CADPS2: variants seen among roughly 807,000 people sequenced by gnomAD.
CADPS2 encodes the protein calcium-dependent secretion activator 2.
A neutral mutation model predicts 172.5 loss-of-function variants in CADPS2; 93 were observed. That is an observed-to-expected ratio of 0.54 (90% CI 0.46 to 0.64). The LOEUF (loss-of-function observed/expected upper bound fraction) is 0.64, where lower values mean the gene tolerates loss of function less well. Ranked by LOEUF, CADPS2 falls within the 30% of genes least tolerant of loss-of-function variation. CADPS2 has a pLI of 0.00. For missense variants in CADPS2, 1,420 were observed against 1,565.9 expected, an observed-to-expected ratio of 0.91 and a Z score of 1.57; for synonymous variants, 546 against 555.2, an observed-to-expected ratio of 0.98 and a Z score of 0.23.
intron 25 of CADPS2, among the ~76,000 whole-genome samples, chr7:122,364,149 A>G (rs2040542917): frequency 6.6e-6 from 1 of 152,072 alleles, no homozygotes. Context: ...GGTGGCTCAC[A>G]CTTGTAATCC....
At chr7:122,737,762 T>C (rs538841146) in intron 1 of CADPS2, among the ~76,000 whole-genome samples, 49 of 152,194 alleles carry the variant, frequency 3.2e-4, no homozygotes, top group African/African-American at 7.2e-4. Context: ...AATAATATTA[T>C]ACAAAATCGC....
chr7:122,570,917 A>T (rs894929148), intron 7 of CADPS2, among the ~76,000 whole-genome samples: 6 of 152,086 alleles, frequency 3.9e-5, no homozygotes, highest in African/African-American at 1.4e-4. Context: ...TAGCATTAGG[A>T]GATATACCTA....
At chr7:122,565,180 C>G (rs140808966) in intron 7 of CADPS2, among the ~76,000 whole-genome samples, 1 of 151,294 alleles carries the variant, frequency 6.6e-6, no homozygotes, top group South Asian at 2.1e-4. Context: ...CACCGCTATG[C>G]AGTATAACCA....
At chr7:122,340,879 T>C (rs903429142) in intron 28 of CADPS2, among the ~76,000 whole-genome samples, 30 of 149,288 alleles carry the variant, frequency 2.0e-4, no homozygotes, top group Non-Finnish European at 8.9e-5. Context: ...AAAAAGGACA[T>C]TGGTGTAAGA....
chr7:122,775,358 C>T (rs995467826), intron 1 of CADPS2, among the ~76,000 whole-genome samples: 4 of 152,226 alleles, frequency 2.6e-5, no homozygotes. Flanking sequence ...GCAGCAATAG[C>T]TTCATGTTCC....
chr7:122,428,525 T>C (rs886271090), intron 17 of CADPS2, among the ~76,000 whole-genome samples: 2 of 150,336 alleles, frequency 1.3e-5, no homozygotes, highest in Non-Finnish European at 3.0e-5. Context: ...TGGAGTACAG[T>C]GGCGCAATCA....
At chr7:122,761,676 G>T (rs950892622) in intron 1 of CADPS2, among the ~76,000 whole-genome samples, 4 of 151,184 alleles carry the variant, frequency 2.6e-5, no homozygotes, top group African/African-American at 7.3e-5. Flanking sequence ...AACGTATTAA[G>T]CAAACAAAAA....
chr7:122,555,789 C>T (rs977490137), intron 7 of CADPS2, among the ~76,000 whole-genome samples: 1 of 152,010 alleles, frequency 6.6e-6, no homozygotes, highest in Non-Finnish European at 1.5e-5. Flanking sequence ...AATAAGGCTG[C>T]CTTCTATTCT....
rs1232599607 is a variant in CADPS2 at position 122,660,621 on chromosome 7, A to G, written c.786+2616T>C. On this transcript the variant is annotated intron_variant, in intron 3 of 29. Coordinates refer to ENST00000449022, the MANE Select transcript of CADPS2 (RefSeq NM_017954.11). Reference sequence around the variant, plus strand: ...AGTCTGGATTTAAAAAAAAAAAAAGAAAACTTGGGCCAAGCGCTGTGGCTC... The same window carrying G: ...AGTCTGGATTTAAAAAAAAAAAAAGGAAACTTGGGCCAAGCGCTGTGGCTC... 6.2e-5 allele frequency among the ~76,000 whole-genome samples: 9 copies of G among 146,160 alleles called. No homozygotes were observed. In the East Asian group the frequency reaches 1.7e-3, roughly 27 times the overall value.
intron 17 of CADPS2, among the ~76,000 whole-genome samples, chr7:122,428,471 A>ATAT (rs1378275496): frequency 8.5e-6 from 1 of 117,084 alleles, no homozygotes; most frequent in South Asian, 2.4e-4. Context: ...ATATATATAT[A>ATAT]TTTTTTTTTT....
intron 1 of CADPS2, among the ~76,000 whole-genome samples, chr7:122,851,103 T>C (rs1301682338): frequency 6.6e-6 from 1 of 152,252 alleles, no homozygotes; most frequent in African/African-American, 2.4e-5. Flanking sequence ...GTGCATTCAT[T>C]TGGGTTGCCA....
chr7:122,786,213 T>C (rs1022354037), intron 1 of CADPS2, among the ~76,000 whole-genome samples: 2 of 152,168 alleles, frequency 1.3e-5, no homozygotes, highest in East Asian at 3.8e-4. Context: ...TTCATGTAAA[T>C]GGCAAATTAG....
chr7:122,539,386 C>G (rs1460849842), intron 8 of CADPS2, among the ~76,000 whole-genome samples: 2 of 152,016 alleles, frequency 1.3e-5, no homozygotes, highest in African/African-American at 4.8e-5. Flanking sequence ...TAAAACTGAG[C>G]TAAATAAATT....
chr7:122,587,473 C>T (rs1403225162), intron 6 of CADPS2, among the ~76,000 whole-genome samples: 1 of 152,060 alleles, frequency 6.6e-6, no homozygotes, highest in Non-Finnish European at 1.5e-5. Flanking sequence ...GTATGGTATT[C>T]CATGGTGTAT....
At chr7:122,581,350 ATGTG>A in intron 6 of CADPS2, 60 bp from the exon 7 acceptor site, 1 of 1,296,242 alleles carries the variant, frequency 7.7e-7, no homozygotes, top group Non-Finnish European at 1.1e-6. Context: ...CCCCAAGGAG[ATGTG>A]TCTCCATAGA....
chr7:122,698,370 G>T, intron 2 of CADPS2: 1 of 1,613,718 alleles, frequency 6.2e-7, no homozygotes, highest in Non-Finnish European at 8.5e-7. Flanking sequence ...TCCAGATGAT[G>T]TGCTTTCTCC....
chr7:122,745,265 G>A (rs1218757422), intron 1 of CADPS2, among the ~76,000 whole-genome samples: 1 of 151,604 alleles, frequency 6.6e-6, no homozygotes, highest in African/African-American at 2.4e-5. Flanking sequence ...CCACATAATT[G>A]AAACTTTGCC....
At chr7:122,435,832 A>G (rs2050571007) in intron 17 of CADPS2, among the ~76,000 whole-genome samples, 1 of 152,166 alleles carries the variant, frequency 6.6e-6, no homozygotes, top group Admixed American at 6.6e-5. Flanking sequence ...AGCCTTAAAA[A>G]AACAAATTTC....
At chr7:122,430,662 A>T (rs1405403005) in intron 17 of CADPS2, among the ~76,000 whole-genome samples, 2 of 152,234 alleles carry the variant, frequency 1.3e-5, no homozygotes, top group Non-Finnish European at 2.9e-5. Flanking sequence ...GAGGCAATTC[A>T]ATGAAATGGT....
Sources: gnomAD v4.1 joint callset for allele counts (sites outside exome capture counted in the v4.1 genomes callset) on GRCh38, gnomAD v4.1.1 for gene constraint, MANE v1.5 for transcripts, NCBI Gene and HGNC (gene_info 2026-07-23, HGNC 2026-07-21) for gene names.